Variants in C1QTNF9 observed in about 807,000 individuals in gnomAD.
C1QTNF9 encodes C1q and TNF related 9.
Under a neutral mutation model 10.1 loss-of-function variants are expected in C1QTNF9, and 6 were observed. That is an observed-to-expected ratio of 0.59 (90% CI 0.32 to 1.17). C1QTNF9 has a LOEUF of 1.17. Ranked by LOEUF, C1QTNF9 falls within the 50% of genes most tolerant of loss-of-function variation. The pLI, the probability that C1QTNF9 is intolerant of heterozygous loss-of-function variation, is 0.04. For missense variants in C1QTNF9, 201 were observed against 418.8 expected, an observed-to-expected ratio of 0.48 and a Z score of 4.54; for synonymous variants, 98 against 163.5, an observed-to-expected ratio of 0.60 and a Z score of 3.06.
chr13:24,311,493 T>G (rs1398206242), intron 1 of C1QTNF9, among the ~76,000 whole-genome samples: 1 of 152,208 alleles, frequency 6.6e-6, no homozygotes, highest in Non-Finnish European at 1.5e-5. Flanking sequence ...TATCAATGTA[T>G]AGAGATCTTG....
At chr13:24,310,748 C>T (rs1398101325) in intron 1 of C1QTNF9, among the ~76,000 whole-genome samples, 1 of 151,320 alleles carries the variant, frequency 6.6e-6, no homozygotes, top group Non-Finnish European at 1.5e-5. Context: ...CCCGTCTCTA[C>T]TAAAAAACAA....
chr13:24,320,906 TC>T, intron 3 of C1QTNF9, 89 bp from the exon 4 acceptor site: 1 of 1,420,984 alleles, frequency 7.0e-7, no homozygotes, highest in Non-Finnish European at 9.6e-7. Context: ...CTACTTTGTT[TC>T]ATTTGTGAGC....
At chr13:24,309,381 A>ATT (rs1348232360), upstream of C1QTNF9, among the ~76,000 whole-genome samples, 2 of 150,564 alleles carry the variant, frequency 1.3e-5, no homozygotes, top group East Asian at 3.9e-4. Context: ...ATTCAAAAGG[A>ATT]TTTAACTTTT....
intron 1 of C1QTNF9, among the ~76,000 whole-genome samples, chr13:24,312,220 A>G (rs1877853325): frequency 6.6e-6 from 1 of 152,266 alleles, no homozygotes; most frequent in Non-Finnish European, 1.5e-5. Context: ...GATTCATTCA[A>G]CAAATACTTG....
exon 4 of C1QTNF9, chr13:24,322,464 C>G (rs1165810586): frequency 2.6e-5 from 4 of 152,244 alleles, no homozygotes; most frequent in South Asian, 2.1e-4. Context: ...ATTTGCCAGA[C>G]TTGAATCTCT....
At chr13:24,321,596 A>C in exon 4 of C1QTNF9, 2 of 1,614,162 alleles carry the variant, frequency 1.2e-6, no homozygotes, top group Non-Finnish European at 1.7e-6. Flanking sequence ...CTGCACACCA[A>C]AGATGCTTAC....
At position 24,318,943 on chromosome 13, in the gene C1QTNF9, T is replaced by C; in HGVS notation, c.229+63T>C. 5.0e-6 allele frequency: 8 copies of C among 1,590,136 alleles called. No individual in the cohort carries two copies. In the South Asian group the frequency reaches 5.5e-5, roughly 11 times the overall value. On this transcript the variant is annotated intron_variant, in intron 3 of 3. Coordinates refer to ENST00000332018, the Ensembl canonical transcript of C1QTNF9. ...TGTCGACTATTTAACAATATTACCATGGACAAGTCCTCCATGCTGATTATA... is the reference window on the plus strand; with the variant it reads ...TGTCGACTATTTAACAATATTACCACGGACAAGTCCTCCATGCTGATTATA...
chr13:24,317,698 T>A (rs1445463187), intron 2 of C1QTNF9, among the ~76,000 whole-genome samples: 8 of 152,082 alleles, frequency 5.3e-5, no homozygotes, highest in Non-Finnish European at 1.2e-4. Context: ...AAATATCTAC[T>A]GATTGGGGTC....
At chr13:24,319,197 T>C (rs1878154727) in intron 3 of C1QTNF9, among the ~76,000 whole-genome samples, 1 of 152,154 alleles carries the variant, frequency 6.6e-6, no homozygotes, top group South Asian at 2.1e-4. Flanking sequence ...AAATGGGAAT[T>C]TCCCATGGTT....
chr13:24,318,510 ACAGT>A (rs1313225430), intron 2 of C1QTNF9, among the ~76,000 whole-genome samples: 1 of 142,250 alleles, frequency 7.0e-6, no homozygotes, highest in African/African-American at 2.6e-5. Context: ...CACAATCGTG[ACAGT>A]CAGTCCCCAT....
chr13:24,321,566 T>G (rs1397994701), exon 4 of C1QTNF9: 1 of 1,613,522 alleles, frequency 6.2e-7, no homozygotes, highest in Non-Finnish European at 8.5e-7. Flanking sequence ...GTGTCTTTGG[T>G]CAAAAATGGA....
exon 4 of C1QTNF9, chr13:24,322,286 A>G (rs1266561860): frequency 1.3e-5 from 2 of 152,966 alleles, no homozygotes; most frequent in Admixed American, 6.5e-5. Flanking sequence ...TGTTTGTTAC[A>G]TAGGTAAACA....
At chr13:24,307,658 C>T (rs1221630359), upstream of C1QTNF9, among the ~76,000 whole-genome samples, 2 of 152,196 alleles carry the variant, frequency 1.3e-5, no homozygotes, top group African/African-American at 2.4e-5. Context: ...TGGGGAAGGG[C>T]GGTCGCTAGG....
chr13:24,318,573 C>A (rs1195352263), intron 2 of C1QTNF9, among the ~76,000 whole-genome samples: 7 of 152,048 alleles, frequency 4.6e-5, no homozygotes, highest in African/African-American at 1.2e-4. Flanking sequence ...CTAGGCACGT[C>A]CTAGAGATGG....
intron 2 of C1QTNF9, among the ~76,000 whole-genome samples, chr13:24,317,368 AAT>A (rs889872185): frequency 6.6e-6 from 1 of 152,120 alleles, no homozygotes; most frequent in Admixed American, 6.5e-5. Context: ...ATAGATAAAA[AAT>A]AGAGGACAAA....
intron 3 of C1QTNF9, among the ~76,000 whole-genome samples, chr13:24,319,994 G>A (rs555916249): frequency 4.6e-5 from 7 of 152,244 alleles, no homozygotes; most frequent in South Asian, 2.1e-4. Flanking sequence ...TTGCAACCAC[G>A]GCTCTTTGGT....
chr13:24,316,750 G>C (rs944243572), intron 2 of C1QTNF9, among the ~76,000 whole-genome samples: 3 of 152,180 alleles, frequency 2.0e-5, no homozygotes, highest in East Asian at 1.9e-4. Flanking sequence ...GGATCTGGGG[G>C]ACAGGATTCA....
chr13:24,321,529 A>G, exon 4 of C1QTNF9: 2 of 1,612,540 alleles, frequency 1.2e-6, no homozygotes, highest in Non-Finnish European at 1.7e-6. Flanking sequence ...CACCTACCAC[A>G]TCACTGTTTT....
intron 1 of C1QTNF9, among the ~76,000 whole-genome samples, chr13:24,311,469 A>G (rs1295648549): frequency 2.0e-5 from 3 of 152,212 alleles, no homozygotes; most frequent in Non-Finnish European, 2.9e-5. Context: ...TCTATTCTCT[A>G]TACATACATA....
Sources: gnomAD v4.1 joint callset for allele counts (sites outside exome capture counted in the v4.1 genomes callset) on GRCh38, gnomAD v4.1.1 for gene constraint, MANE v1.5 for transcripts, NCBI Gene and HGNC (gene_info 2026-07-23, HGNC 2026-07-21) for gene names.